Variants in ZMAT5 observed in about 807,000 individuals in gnomAD.
ZMAT5 encodes zinc finger matrin-type protein 5.
Under a neutral mutation model 28.0 loss-of-function variants are expected in ZMAT5, and 23 were observed. That is an observed-to-expected ratio of 0.82 (90% CI 0.59 to 1.16). The LOEUF is 1.16. Ranked by LOEUF, ZMAT5 falls within the 50% of genes most tolerant of loss-of-function variation. The pLI, the probability that ZMAT5 is intolerant of heterozygous loss-of-function variation, is 0.00. For missense variants in ZMAT5, 173 were observed against 212.7 expected, an observed-to-expected ratio of 0.81 and a Z score of 1.16; for synonymous variants, 76 against 84.1, an observed-to-expected ratio of 0.90 and a Z score of 0.52.
At chr22:29,731,560 T>G in intron 5 of ZMAT5, 1 of 563,614 alleles carries the variant, frequency 1.8e-6, no homozygotes, top group Non-Finnish European at 2.9e-6. Flanking sequence ...AATAGCGGGG[T>G]TGCAGGCAGA....
chr22:29,742,579 A>C, intron 2 of ZMAT5, 99 bp from the exon 3 acceptor site: 2 of 1,094,870 alleles, frequency 1.8e-6, no homozygotes, highest in South Asian at 1.3e-5. Context: ...TTATCTCGAC[A>C]CAGCTGTGCA....
At chr22:29,739,396 G>A (rs1382146364) in intron 4 of ZMAT5, among the ~76,000 whole-genome samples, 1 of 152,110 alleles carries the variant, frequency 6.6e-6, no homozygotes, top group Non-Finnish European at 1.5e-5. Flanking sequence ...TCGGTCTCTG[G>A]AGCTCACTCG....
intron 2 of ZMAT5, chr22:29,748,212 G>C (rs1299416558): frequency 1.5e-6 from 1 of 672,290 alleles, no homozygotes; most frequent in Non-Finnish European, 2.5e-6. Flanking sequence ...CCTTCCTCCT[G>C]TCCACAGAGC....
chr22:29,733,048 C>A (rs1180282975), intron 5 of ZMAT5, among the ~76,000 whole-genome samples: 5 of 152,218 alleles, frequency 3.3e-5, no homozygotes, highest in Non-Finnish European at 5.9e-5. Context: ...CTCAGGCGAA[C>A]CCCATTTTAT....
intron 2 of ZMAT5, among the ~76,000 whole-genome samples, chr22:29,742,933 A>G (rs1315027625): frequency 6.6e-6 from 1 of 152,092 alleles, no homozygotes; most frequent in Non-Finnish European, 1.5e-5. Flanking sequence ...GTGTGACTAC[A>G]GCTGTGCACC....
At chr22:29,752,698 GC>G (rs1040275922) in intron 1 of ZMAT5, among the ~76,000 whole-genome samples, 2 of 152,192 alleles carry the variant, frequency 1.3e-5, no homozygotes, top group African/African-American at 4.8e-5. Context: ...ATGAGAAGAT[GC>G]CCAAAATAAC....
At chr22:29,743,545 C>G (rs998003053) in intron 2 of ZMAT5, among the ~76,000 whole-genome samples, 10 of 152,208 alleles carry the variant, frequency 6.6e-5, no homozygotes, top group African/African-American at 2.4e-4. Flanking sequence ...ATCCTTCCCC[C>G]TCAGCCTCCC....
intron 3 of ZMAT5, 99 bp downstream of exon 3, chr22:29,742,319 G>A: frequency 8.0e-7 from 1 of 1,252,562 alleles, no homozygotes. Flanking sequence ...GGCTTGGGAT[G>A]GTGGCCCGGG....
At chr22:29,764,794 C>T (rs939164712) in intron 1 of ZMAT5, among the ~76,000 whole-genome samples, 13 of 152,100 alleles carry the variant, frequency 8.5e-5, no homozygotes, top group Admixed American at 2.6e-4. Flanking sequence ...TGAGCCACCG[C>T]GCCTGGCCCC....
rs1178612246 is a variant in ZMAT5, at chr22:29,751,137, GCTCCCAGAAGCTTGC to G, written c.-27-2581_-27-2567del. Among the ~76,000 whole-genome samples, 190 of 152,316 alleles carry G rather than the reference GCTCCCAGAAGCTTGC, an allele frequency of 1.2e-3. 1 individual carries two copies. The highest frequency in any genetic ancestry group is 4.5e-3 in the African/African-American group (186 of 41,566). ...AACCAAGCCATTCAGAAAGCTTGAA[GCTCCCAGAAGCTTGC>G]TGGCGCTGGAGAGTAATGGGGAAGG... is the stretch of plus-strand genomic sequence containing the variant. On this transcript the variant is annotated intron_variant, in intron 1 of 5. Transcript: ENST00000344318.
rs549469218 is a variant in ZMAT5 at position 29,765,722 on chromosome 22, G to A, written c.-28+1150C>T. Among the ~76,000 whole-genome samples the A allele has an allele frequency of 7.2e-5, 11 of 152,104 alleles. No individual in the cohort carries two copies. The South Asian group carries it at 2.3e-3, about 32-fold the overall frequency. On this transcript the variant is annotated intron_variant, in intron 1 of 5. Coordinates refer to ENST00000344318, the MANE Select transcript of ZMAT5 (RefSeq NM_001003692.2). ...CTGTCTCTACTAAAAAAAAAAATTA[G>A]CCAGGCATGGTGGCAGGCGCCTGTA...
At chr22:29,731,508 GT>G in intron 5 of ZMAT5, 154 bp from the exon 6 acceptor site, 1 of 996,774 alleles carries the variant, frequency 1.0e-6, no homozygotes, top group South Asian at 1.9e-5. Flanking sequence ...TAGGCAGACC[GT>G]TTGAGCCAGC....
intron 1 of ZMAT5, among the ~76,000 whole-genome samples, chr22:29,755,273 C>T (rs993147298): frequency 7.3e-6 from 1 of 136,772 alleles, no homozygotes; most frequent in African/African-American, 2.7e-5. Context: ...CCAGGCTGGG[C>T]AACAAAGTGA....
chr22:29,745,617 G>A (rs2068002376), intron 2 of ZMAT5, among the ~76,000 whole-genome samples: 1 of 152,228 alleles, frequency 6.6e-6, no homozygotes, highest in Non-Finnish European at 1.5e-5. Flanking sequence ...TGAGGTTACT[G>A]AGCCCCTGTC....
At chr22:29,757,376 A>G (rs2068113066) in intron 1 of ZMAT5, among the ~76,000 whole-genome samples, 1 of 152,192 alleles carries the variant, frequency 6.6e-6, no homozygotes, top group Non-Finnish European at 1.5e-5. Flanking sequence ...CAACTACTCT[A>G]ATCACCAACC....
At chr22:29,758,633 G>T (rs1476332014) in intron 1 of ZMAT5, 1 of 152,024 alleles carries the variant, frequency 6.6e-6, no homozygotes, top group African/African-American at 2.4e-5. Flanking sequence ...AAAAAGAAAA[G>T]AAAACTTAAT....
intron 1 of ZMAT5, among the ~76,000 whole-genome samples, chr22:29,764,116 G>A (rs1319714816): frequency 6.6e-6 from 1 of 152,112 alleles, no homozygotes; most frequent in Non-Finnish European, 1.5e-5. Flanking sequence ...CTCCAGCCTG[G>A]GCAATGGAGG....
intron 5 of ZMAT5, among the ~76,000 whole-genome samples, chr22:29,733,401 A>G (rs1569333554): frequency 6.6e-6 from 1 of 152,024 alleles, no homozygotes; most frequent in Non-Finnish European, 1.5e-5. Context: ...CACCCACCCA[A>G]CCTGCCCCTC....
chr22:29,763,691 G>A (rs2068181398), intron 1 of ZMAT5, among the ~76,000 whole-genome samples: 1 of 152,146 alleles, frequency 6.6e-6, no homozygotes, highest in African/African-American at 2.4e-5. Context: ...GGAAGGCCAA[G>A]GTGGGTGGAT....
Sources: gnomAD v4.1 joint callset for allele counts (sites outside exome capture counted in the v4.1 genomes callset) on GRCh38, gnomAD v4.1.1 for gene constraint, MANE v1.5 for transcripts, NCBI Gene and HGNC (gene_info 2026-07-23, HGNC 2026-07-21) for gene names.